The following TMC1 variants were observed in gnomAD, a reference collection of about 807,000 sequenced individuals.
TMC1 encodes transmembrane channel like 1.
Under a neutral mutation model 105.8 loss-of-function variants are expected in TMC1, and 84 were observed. That is an observed-to-expected ratio of 0.79 (90% CI 0.67 to 0.95). The LOEUF is 0.95. Among genes scored for constraint, TMC1 ranks in the 40% least tolerant of loss-of-function variants. TMC1 has a pLI of 0.00. For missense variants in TMC1, 817 were observed against 914.1 expected, an observed-to-expected ratio of 0.89 and a Z score of 1.37; for synonymous variants, 315 against 311.5, an observed-to-expected ratio of 1.01 and a Z score of -0.12.
intron 8 of TMC1, among the ~76,000 whole-genome samples, chr9:72,712,767 C>G (rs1310549742): frequency 6.6e-6 from 1 of 152,182 alleles, no homozygotes; most frequent in Non-Finnish European, 1.5e-5. Context: ...ATTCCTTTCT[C>G]TTGCCTGATT....
chr9:72,548,780 G>A (rs1387841350), intron 1 of TMC1, among the ~76,000 whole-genome samples: 1 of 152,152 alleles, frequency 6.6e-6, no homozygotes, highest in East Asian at 1.9e-4. Context: ...GAGCCCAGGA[G>A]TTGGAGACCA....
intron 1 of TMC1, among the ~76,000 whole-genome samples, chr9:72,525,652 A>T (rs1382077168): frequency 6.6e-6 from 1 of 152,158 alleles, no homozygotes; most frequent in Admixed American, 6.6e-5. Context: ...AAAGGGAAAC[A>T]GTTTGAACTG....
At chr9:72,678,382 A>ATGAAT (rs576397737) in intron 5 of TMC1, among the ~76,000 whole-genome samples, 121 of 152,186 alleles carry the variant, frequency 8.0e-4, no homozygotes, top group Non-Finnish European at 1.4e-3. Flanking sequence ...TAGAGCAAAA[A>ATGAAT]TGAATTATAT....
chr9:72,536,328 G>C (rs1823583874), intron 1 of TMC1, among the ~76,000 whole-genome samples: 1 of 152,192 alleles, frequency 6.6e-6, no homozygotes, highest in Non-Finnish European at 1.5e-5. Context: ...CTGAAACCCA[G>C]TGCGGCAGAC....
intron 17 of TMC1, among the ~76,000 whole-genome samples, chr9:72,802,034 A>C (rs1350634310): frequency 6.6e-6 from 1 of 152,112 alleles, no homozygotes; most frequent in African/African-American, 2.4e-5. Context: ...CTGGCAGTAG[A>C]AACCTAAAAA....
chr9:72,564,430 TTTCTC>T (rs1321490686), intron 1 of TMC1, among the ~76,000 whole-genome samples: 1 of 152,224 alleles, frequency 6.6e-6, no homozygotes, highest in Non-Finnish European at 1.5e-5. Flanking sequence ...TTTAAAAGCT[TTTCTC>T]TTTTTAGGGG....
chr9:72,572,376 G>C (rs1824303660), intron 1 of TMC1, among the ~76,000 whole-genome samples: 1 of 151,826 alleles, frequency 6.6e-6, no homozygotes, highest in Non-Finnish European at 1.5e-5. Flanking sequence ...TTGTATTTTA[G>C]TAGAGATGGT....
At chr9:72,603,083 T>C (rs1824845953) in intron 2 of TMC1, among the ~76,000 whole-genome samples, 1 of 152,176 alleles carries the variant, frequency 6.6e-6, no homozygotes, top group Admixed American at 6.5e-5. Flanking sequence ...CAGATGGCTC[T>C]GATAAATATT....
Position 72,648,685 on chromosome 9 carries a change from GTC to G in TMC1, c.16+23_16+24del, listed in dbSNP as rs370786158. On this transcript the variant is annotated intron_variant, in intron 5 of 23. Coordinates refer to ENST00000297784, the MANE Select transcript of TMC1 (RefSeq NM_138691.3). The stretch of plus-strand genomic sequence containing the variant: ...AAAAGGTATTTACAAAATCAAGACT[GTC>G]TGTAGGACACTATGTCTTTCTGAGA... The G allele has an allele frequency of 3.0e-4, 489 of 1,603,908 alleles. 3 individuals are homozygous for G. The African/African-American group carries it at 5.7e-3, about 19-fold the overall frequency.
chr9:72,532,404 G>A (rs1823511608), intron 1 of TMC1, among the ~76,000 whole-genome samples: 1 of 151,860 alleles, frequency 6.6e-6, no homozygotes, highest in Non-Finnish European at 1.5e-5. Flanking sequence ...AGCCAGGTAT[G>A]GTGGTGCATG....
chr9:72,811,086 A>G (rs1292016502), intron 18 of TMC1, among the ~76,000 whole-genome samples: 2 of 152,184 alleles, frequency 1.3e-5, no homozygotes, highest in African/African-American at 2.4e-5. Flanking sequence ...TATTTAACAT[A>G]TGAAAAATTG....
intron 1 of TMC1, among the ~76,000 whole-genome samples, chr9:72,528,336 T>A (rs911719250): frequency 3.0e-5 from 4 of 133,896 alleles, no homozygotes; most frequent in Non-Finnish European, 6.3e-5. Flanking sequence ...AAGTTCATGA[T>A]TTTTTTTTTT....
intron 8 of TMC1, among the ~76,000 whole-genome samples, chr9:72,710,074 A>C (rs998834893): frequency 3.3e-5 from 5 of 152,052 alleles, no homozygotes; most frequent in African/African-American, 9.7e-5. Flanking sequence ...AGTTCAAAGA[A>C]TTTTTTCATT....
chr9:72,640,040 A>C (rs1396798590), intron 4 of TMC1, among the ~76,000 whole-genome samples: 3 of 152,184 alleles, frequency 2.0e-5, no homozygotes, highest in Admixed American at 6.5e-5. Context: ...TGGTTTTGCC[A>C]ATCCAATTTT....
chr9:72,628,348 T>C (rs1564454850), intron 4 of TMC1: 2 of 213,712 alleles, frequency 9.4e-6, no homozygotes, highest in South Asian at 6.4e-5. Flanking sequence ...CTCAACTGTA[T>C]AGTTTTTATG....
chr9:72,830,361 A>C, intron 21 of TMC1, 90 bp from the exon 22 acceptor site: 1 of 888,822 alleles, frequency 1.1e-6, no homozygotes, highest in South Asian at 1.4e-5. Context: ...TCCCATGCTG[A>C]TATTTCATAA....
At chr9:72,708,250 C>CT (rs1240064292) in intron 8 of TMC1, among the ~76,000 whole-genome samples, 1 of 152,040 alleles carries the variant, frequency 6.6e-6, no homozygotes, top group Non-Finnish European at 1.5e-5. Flanking sequence ...TATGTGGCCT[C>CT]TTTTTTGGCT....
At chr9:72,767,579 T>A (rs751656571) in intron 12 of TMC1, among the ~76,000 whole-genome samples, 2 of 152,238 alleles carry the variant, frequency 1.3e-5, no homozygotes, top group African/African-American at 2.4e-5. Context: ...TGAGTCCTGG[T>A]AACCATAATA....
chr9:72,754,654 C>T (rs1224430288), intron 11 of TMC1, 132 bp from the exon 12 acceptor site: 1 of 718,316 alleles, frequency 1.4e-6, no homozygotes, highest in Admixed American at 2.0e-5. Flanking sequence ...GAAAATGGGA[C>T]CCCACATGGA....
Sources: allele counts gnomAD v4.1 joint callset (sites outside exome capture counted in the v4.1 genomes callset), GRCh38; gene constraint gnomAD v4.1.1; transcripts MANE v1.5; gene names NCBI Gene and HGNC (gene_info 2026-07-23, HGNC 2026-07-21).